Variants in TEKT3 observed in about 807,000 individuals in gnomAD.
The protein encoded by TEKT3 is tektin-3.
A neutral mutation model predicts 49.8 loss-of-function variants in TEKT3; 49 were observed. That is an observed-to-expected ratio of 0.98 (90% confidence interval 0.78 to 1.25). The LOEUF is 1.25. TEKT3 is among the 50% of genes most tolerant of loss of function. TEKT3 has a pLI of 0.00. For synonymous variants in TEKT3, 225 were observed against 237.2 expected, an observed-to-expected ratio of 0.95 and a Z score of 0.47; for missense variants, 595 against 629.5, an observed-to-expected ratio of 0.95 and a Z score of 0.59.
At chr17:15,339,809 C>T (rs1042644765) in intron 2 of TEKT3, among the ~76,000 whole-genome samples, 9 of 152,110 alleles carry the variant, frequency 5.9e-5, no homozygotes, top group Non-Finnish European at 8.8e-5. Context: ...AATAAAACAG[C>T]GCTGCCAATA....
chr17:15,321,166 T>C (rs958923848), intron 4 of TEKT3, among the ~76,000 whole-genome samples: 7 of 152,050 alleles, frequency 4.6e-5, no homozygotes, highest in African/African-American at 1.7e-4. Flanking sequence ...CCCACCACCA[T>C]GCCTGGCTAA....
chr17:15,313,728 C>T (rs1356015258), intron 6 of TEKT3, among the ~76,000 whole-genome samples: 2 of 152,034 alleles, frequency 1.3e-5, no homozygotes, highest in Admixed American at 6.5e-5. Flanking sequence ...AGGCTGGTCT[C>T]GAACTCCTGA....
intron 4 of TEKT3, among the ~76,000 whole-genome samples, chr17:15,322,600 A>G (rs1911313583): frequency 6.6e-6 from 1 of 152,180 alleles, no homozygotes. Context: ...ATATAAAATC[A>G]TTACTTGGAT....
At position 15,331,563 on chromosome 17, in the gene TEKT3, A is replaced by G. The variant is rs112595511; in HGVS notation, c.23T>C (p.Leu8Ser). Residue 8 changes from leucine (L) to serine (S), a missense_variant, in exon 3 of 9, where the codon TTA (leucine) becomes TCA (serine). Coordinates refer to ENST00000395930, the MANE Select transcript of TEKT3 (RefSeq NM_031898.3). ...TCTAGGGTGGGCGTAAGTTGTCGTT[A>G]AAGTACAACCTACACGTTCCATGAT... Reference protein sequence around the residue: MERVGCTLTTTYAHPRPT... With the variant: MERVGCTSTTTYAHPRPT... 8 of 1,613,690 alleles carry G rather than the reference A, an allele frequency of 5.0e-6. No homozygotes were observed. Among genetic ancestry groups the G allele is most frequent in the African/African-American group, 2.7e-5 (2 of 75,002 alleles).
At position 15,303,926 on chromosome 17, in the gene TEKT3, G is replaced by A. The variant is rs151199818; in HGVS notation, c.*10C>T. 455 of 1,613,402 alleles carry A rather than the reference G, an allele frequency of 2.8e-4. 1 individual carries two copies. In the South Asian group the frequency reaches 3.6e-3, roughly 13 times the overall value. On this transcript the variant is annotated 3_prime_UTR_variant, in exon 9 of 9. Coordinates refer to ENST00000395930, the MANE Select transcript of TEKT3 (RefSeq NM_031898.3). ...ACTTAGGGGTATCAAAACCACACCC[G>A]GTGGGGTCCCTAGCAGAAGCCGACC... is the stretch of plus-strand genomic sequence containing the variant.
intron 5 of TEKT3, among the ~76,000 whole-genome samples, chr17:15,317,335 C>A (rs1911053565): frequency 6.6e-6 from 1 of 152,168 alleles, no homozygotes; most frequent in Non-Finnish European, 1.5e-5. Flanking sequence ...GCCAAGAACA[C>A]AAAAGATGGG....
At chr17:15,343,468 T>TA (rs544363362), upstream of TEKT3, among the ~76,000 whole-genome samples, 2 of 152,114 alleles carry the variant, frequency 1.3e-5, no homozygotes, top group Admixed American at 6.5e-5. Flanking sequence ...CAATGCTTAT[T>TA]AAAAAAAATA....
At chr17:15,329,893 TC>T (rs1202982635) in intron 3 of TEKT3, among the ~76,000 whole-genome samples, 3 of 152,210 alleles carry the variant, frequency 2.0e-5, no homozygotes, top group African/African-American at 4.8e-5. Context: ...AATGTATACT[TC>T]TAAAATAATT....
chr17:15,334,698 T>C (rs1911913019), intron 2 of TEKT3, among the ~76,000 whole-genome samples: 1 of 152,212 alleles, frequency 6.6e-6, no homozygotes. Context: ...GTAGAACTCC[T>C]CATGTACGGC....
chr17:15,329,616 G>C (rs1366272883), intron 3 of TEKT3, among the ~76,000 whole-genome samples: 2 of 152,202 alleles, frequency 1.3e-5, no homozygotes, highest in African/African-American at 4.8e-5. Context: ...AATTCAAAAA[G>C]ATCATTAGTG....
chr17:15,339,082 G>A (rs1912122102), intron 2 of TEKT3, among the ~76,000 whole-genome samples: 1 of 152,246 alleles, frequency 6.6e-6, no homozygotes, highest in African/African-American at 2.4e-5. Flanking sequence ...TATGTTATAA[G>A]GGGTCTGACC....
intron 5 of TEKT3, among the ~76,000 whole-genome samples, chr17:15,317,144 C>T (rs1911046805): frequency 6.6e-6 from 1 of 152,118 alleles, no homozygotes; most frequent in Non-Finnish European, 1.5e-5. Flanking sequence ...AGGCATTATG[C>T]CCACTGTGTA....
At chr17:15,330,942 C>A in intron 3 of TEKT3, 65 bp downstream of exon 3, 13 of 1,417,618 alleles carry the variant, frequency 9.2e-6, no homozygotes, top group Non-Finnish European at 1.2e-5. Context: ...AAATAAATAA[C>A]CACAGTAACT....
upstream of TEKT3, among the ~76,000 whole-genome samples, chr17:15,342,664 A>C (rs1256622920): frequency 6.6e-6 from 1 of 152,188 alleles, no homozygotes; most frequent in Non-Finnish European, 1.5e-5. Context: ...ATGGGAACCT[A>C]ATCTAGAAAA....
At chr17:15,313,509 CT>C (rs1268656083) in intron 6 of TEKT3, among the ~76,000 whole-genome samples, 3 of 148,180 alleles carry the variant, frequency 2.0e-5, no homozygotes, top group Admixed American at 6.7e-5. Flanking sequence ...CTGTGTTTTT[CT>C]TTTTTTTTTC....
At chr17:15,338,382 A>G (rs904384598) in intron 2 of TEKT3, 1 of 152,196 alleles carries the variant, frequency 6.6e-6, no homozygotes, top group Non-Finnish European at 1.5e-5. Flanking sequence ...CAATGGGTTC[A>G]CTGGTGAATT....
chr17:15,335,765 G>C (rs1341524855), intron 2 of TEKT3, among the ~76,000 whole-genome samples: 1 of 152,156 alleles, frequency 6.6e-6, no homozygotes, highest in African/African-American at 2.4e-5. Flanking sequence ...ACAAGTATTT[G>C]ATACAAGGAC....
intron 4 of TEKT3, among the ~76,000 whole-genome samples, chr17:15,321,077 TCG>T (rs1911233880): frequency 6.6e-6 from 1 of 151,592 alleles, no homozygotes; most frequent in Admixed American, 6.6e-5. Context: ...TGGCGCGATC[TCG>T]GCTCACTGCA....
chr17:15,312,278 A>G lies in TEKT3; in HGVS notation c.1082T>C (p.Ile361Thr). ...ATTTACCTTTGCTAAGTGCGTCTGAATCTTATTCTTAGCATCTGCAGTCTC... is the reference window on the plus strand; with the variant it reads ...ATTTACCTTTGCTAAGTGCGTCTGAGTCTTATTCTTAGCATCTGCAGTCTC... ...IAETADAKNK[I>T]QTHLAKTLQE... is the part of the protein sequence containing the mutation. Residue 361 changes from isoleucine (I) to threonine (T), a missense_variant, in exon 7 of 9, where the codon ATT becomes ACT. By Grantham distance (89) the Ile-to-Thr change is moderately conservative. Transcript: ENST00000395930. 1 of 1,614,222 alleles carries G rather than the reference A, an allele frequency of 6.2e-7. No individual in the cohort carries two copies.
Sources: gnomAD v4.1 joint callset for allele counts (sites outside exome capture counted in the v4.1 genomes callset) on GRCh38, gnomAD v4.1.1 for gene constraint, MANE v1.5 for transcripts, NCBI Gene and HGNC (gene_info 2026-07-23, HGNC 2026-07-21) for gene names.